Variants in SLIT3 observed in about 807,000 individuals in gnomAD.
SLIT3 encodes the protein slit homolog 3 protein.
A neutral mutation model predicts 184.0 loss-of-function variants in SLIT3; 68 were observed. The observed-to-expected ratio is 0.37, with a 90% CI of 0.30 to 0.45. The LOEUF (loss-of-function observed/expected upper bound fraction) is 0.45. Among genes scored for constraint, SLIT3 ranks in the 20% least tolerant of loss-of-function variants. The probability of loss-of-function intolerance (pLI) is 1.00; values close to 1 mark genes in which losing one functional copy is unlikely to be tolerated. For missense variants in SLIT3, 1,707 were observed against 2,026.0 expected (o/e 0.84, Z 3.02); for synonymous variants, 831 against 828.6 (o/e 1.00, Z -0.05).
intron 4 of SLIT3, among the ~76,000 whole-genome samples, chr5:168,988,806 A>G (rs1022939676): frequency 1.7e-4 from 26 of 152,270 alleles, no homozygotes; most frequent in African/African-American, 6.0e-4. Context: ...ACTAGAATTG[A>G]GCCTCGAAAG....
At chr5:168,918,865 T>C (rs1484367519) in intron 4 of SLIT3, among the ~76,000 whole-genome samples, 1 of 152,200 alleles carries the variant, frequency 6.6e-6, no homozygotes, top group African/African-American at 2.4e-5. Context: ...AACTTCCTTC[T>C]TCAAAGTCAA....
At chr5:168,857,393 G>GTTTTA (rs1228209657) in intron 5 of SLIT3, among the ~76,000 whole-genome samples, 1 of 151,956 alleles carries the variant, frequency 6.6e-6, no homozygotes, top group African/African-American at 2.4e-5. Context: ...GTTTTGTTTT[G>GTTTTA]TTTTGTTTTG....
At chr5:169,197,911 C>A (rs1763788766) in intron 3 of SLIT3, among the ~76,000 whole-genome samples, 1 of 152,196 alleles carries the variant, frequency 6.6e-6, no homozygotes, top group Admixed American at 6.5e-5. Flanking sequence ...TGTGGAACCA[C>A]TAAAGGCCTT....
chr5:168,921,582 A>G (rs1562007446), intron 4 of SLIT3, among the ~76,000 whole-genome samples: 1 of 152,218 alleles, frequency 6.6e-6, no homozygotes, highest in Non-Finnish European at 1.5e-5. Flanking sequence ...TGACATCTCA[A>G]CTAAAGACTA....
intron 20 of SLIT3, among the ~76,000 whole-genome samples, chr5:168,725,214 A>G (rs1763070797): frequency 6.6e-6 from 1 of 152,156 alleles, no homozygotes; most frequent in South Asian, 2.1e-4. Context: ...CTGAGCTAAG[A>G]TCTGCCTGGA....
At chr5:168,870,415 C>T (rs575292041) in intron 5 of SLIT3, among the ~76,000 whole-genome samples, 10 of 152,336 alleles carry the variant, frequency 6.6e-5, no homozygotes, top group African/African-American at 2.2e-4. Flanking sequence ...CAGGTAATCA[C>T]CTCCCAGTCA....
rs150034442 is a variant in SLIT3, at chr5:169,209,300, C to T, written c.342-15750G>A. 2.6e-5 allele frequency among the ~76,000 whole-genome samples: 4 copies of T among 152,184 alleles called. No homozygotes were observed. The East Asian group carries it at 7.7e-4, about 29-fold the overall frequency. On this transcript the variant is annotated intron_variant, in intron 3 of 35. Transcript: ENST00000519560. ...TGGCGATCACTAAAAAGTCAGGAAA[C>T]CATAGATGCTAAAAAGGATATGGAG...
At chr5:169,014,545 A>G (rs1756289660) in intron 4 of SLIT3, among the ~76,000 whole-genome samples, 2 of 152,198 alleles carry the variant, frequency 1.3e-5, no homozygotes, top group South Asian at 4.1e-4. Context: ...AGACACACAC[A>G]CTTTCCTTCG....
intron 3 of SLIT3, among the ~76,000 whole-genome samples, chr5:169,225,778 G>GCC (rs1348843338): frequency 3.9e-5 from 6 of 152,296 alleles, no homozygotes; most frequent in South Asian, 2.1e-4. Flanking sequence ...AGAGAGGGAG[G>GCC]CAGGGGCCAG....
intron 27 of SLIT3, among the ~76,000 whole-genome samples, chr5:168,697,382 C>T (rs1182966274): frequency 1.3e-5 from 2 of 152,156 alleles, no homozygotes; most frequent in Non-Finnish European, 2.9e-5. Context: ...CAGGACTGGG[C>T]GTGCAAGATC....
At chr5:168,751,288 T>C (rs997868972) in intron 18 of SLIT3, among the ~76,000 whole-genome samples, 13 of 152,336 alleles carry the variant, frequency 8.5e-5, no homozygotes, top group African/African-American at 2.9e-4. Context: ...CAGCAGCCTT[T>C]GCTTCTGCCT....
chr5:168,726,842 A>G (rs1174156106), intron 20 of SLIT3, among the ~76,000 whole-genome samples: 4 of 151,520 alleles, frequency 2.6e-5, no homozygotes, highest in Non-Finnish European at 5.9e-5. Flanking sequence ...AACAAAAATA[A>G]AAACAAAAAT....
At chr5:168,806,696 G>C in intron 8 of SLIT3, 109 bp from the exon 9 acceptor site, 1 of 1,277,658 alleles carries the variant, frequency 7.8e-7, no homozygotes, top group Non-Finnish European at 1.1e-6. Flanking sequence ...ACAGCCATCT[G>C]AGAAATGATC....
intron 14 of SLIT3, among the ~76,000 whole-genome samples, chr5:168,769,679 G>A (rs945137415): frequency 2.6e-5 from 4 of 152,168 alleles, no homozygotes; most frequent in African/African-American, 9.7e-5. Flanking sequence ...TGGTACAAGA[G>A]CAGGGGAAAT....
chr5:169,209,125 T>C (rs1244887382), intron 3 of SLIT3, among the ~76,000 whole-genome samples: 1 of 151,970 alleles, frequency 6.6e-6, no homozygotes, highest in Non-Finnish European at 1.5e-5. Flanking sequence ...TACAACCCCA[T>C]CAAAAAGTAG....
chr5:169,239,239 T>C (rs1472165038), intron 3 of SLIT3, among the ~76,000 whole-genome samples: 2 of 152,192 alleles, frequency 1.3e-5, no homozygotes, highest in African/African-American at 4.8e-5. Context: ...TGAATTAATT[T>C]GCTAGTATTT....
chr5:168,666,794 T>C, intron 35 of SLIT3, 105 bp from the exon 36 acceptor site: 3 of 1,548,114 alleles, frequency 1.9e-6, no homozygotes, highest in Non-Finnish European at 2.6e-6. Flanking sequence ...CTGAAGACTG[T>C]AAGAATTTAT....
At chr5:168,877,113 T>C (rs969124567) in intron 5 of SLIT3, among the ~76,000 whole-genome samples, 1 of 152,168 alleles carries the variant, frequency 6.6e-6, no homozygotes, top group Non-Finnish European at 1.5e-5. Flanking sequence ...TGTACACAGG[T>C]TTGCTATGTG....
chr5:169,121,852 T>C (rs551737766), intron 4 of SLIT3, among the ~76,000 whole-genome samples: 2 of 152,190 alleles, frequency 1.3e-5, no homozygotes, highest in Non-Finnish European at 2.9e-5. Flanking sequence ...ATGACGCACA[T>C]GTGGTTATGC....
Sources: gnomAD v4.1 joint callset for allele counts (sites outside exome capture counted in the v4.1 genomes callset) on GRCh38, gnomAD v4.1.1 for gene constraint, MANE v1.5 for transcripts, NCBI Gene and HGNC (gene_info 2026-07-23, HGNC 2026-07-21) for gene names.